Variants in DENND1C observed in about 807,000 individuals in gnomAD.
DENND1C encodes DENN domain-containing protein 1C.
A neutral mutation model predicts 87.9 loss-of-function variants in DENND1C; 64 were observed. That is an observed-to-expected ratio of 0.73 (90% CI 0.60 to 0.90). The LOEUF is 0.90. Ranked by LOEUF, DENND1C falls within the 40% of genes least tolerant of loss-of-function variation. The pLI is 0.00. For synonymous variants in DENND1C, 384 were observed against 424.4 expected, an observed-to-expected ratio of 0.90 and a Z score of 1.17; for missense variants, 980 against 1,037.0, an observed-to-expected ratio of 0.95 and a Z score of 0.76.
At position 6,469,646 on chromosome 19, in the gene DENND1C, A is replaced by G; in HGVS notation, c.1363-6T>C. ...CCCTTCAAGCCACTCTTGGCCTATA[A>G]AGGAGTGGACAGAGAATTACCCAAG... is the stretch of plus-strand genomic sequence containing the variant. On this transcript the variant is annotated splice_polypyrimidine_tract_variant and splice_region_variant and intron_variant, in intron 18 of 22. Coordinates refer to ENST00000381480, the MANE Select transcript of DENND1C (RefSeq NM_024898.4). 1 of 1,604,788 alleles carries G rather than the reference A, an allele frequency of 6.2e-7. No individual in the cohort carries two copies. The highest frequency in any genetic ancestry group is 1.1e-5 in the South Asian group (1 of 88,994).
At chr19:6,478,176 T>C (rs1015691388) in intron 6 of DENND1C, among the ~76,000 whole-genome samples, 2 of 152,092 alleles carry the variant, frequency 1.3e-5, no homozygotes, top group Admixed American at 1.3e-4. Flanking sequence ...CTGGGCTCAG[T>C]TGATCCTCCC....
chr19:6,474,755 A>AT (rs1443370780), intron 14 of DENND1C, among the ~76,000 whole-genome samples: 1 of 152,012 alleles, frequency 6.6e-6, no homozygotes, highest in Non-Finnish European at 1.5e-5. Flanking sequence ...TATCATTATT[A>AT]TTTTTTAATT....
intron 18 of DENND1C, 26 bp downstream of exon 18, chr19:6,470,269 G>A: frequency 6.3e-7 from 1 of 1,594,870 alleles, no homozygotes; most frequent in Non-Finnish European, 8.5e-7. Context: ...ACCCCAGCAA[G>A]AGTGGCCTGT....
In DENND1C at chr19:6,479,073, T is replaced by G. The variant is rs1260838644; in HGVS notation, c.177-17A>C. The G allele has an allele frequency of 2.5e-6, 4 of 1,613,438 alleles. No homozygotes were observed. Among genetic ancestry groups the G allele is most frequent in the African/African-American group, 1.3e-5 (1 of 74,880 alleles). ...GGGGGCTCCCTGGAGTGGGAAGGGC[T>G]GTTAGAGAGACCTGGACATCCCAGC... On this transcript the variant is annotated splice_polypyrimidine_tract_variant and intron_variant, in intron 4 of 22. Transcript: ENST00000381480.
At chr19:6,470,271 G>A in intron 18 of DENND1C, 24 bp downstream of exon 18, 1 of 1,595,962 alleles carries the variant, frequency 6.3e-7, no homozygotes, top group Non-Finnish European at 8.5e-7. Context: ...CCCAGCAAGA[G>A]TGGCCTGTCC....
In DENND1C at chr19:6,468,441, C is replaced by G; in HGVS notation, c.1584G>C (p.Gly528=). 1 of 1,611,460 alleles carries G rather than the reference C, an allele frequency of 6.2e-7. No homozygotes were observed. The highest frequency in any genetic ancestry group is 8.5e-7 in the Non-Finnish European group (1 of 1,178,908). The change falls in exon 22 of 23, where the codon GGG becomes GGC. Residue 528 remains glycine (G), a splice_region_variant and synonymous_variant. Coordinates refer to ENST00000381480, the MANE Select transcript of DENND1C (RefSeq NM_024898.4). ...CATCCTCAGGGCTCAGTGGGGGTGT[C>G]CTGGGTGAGGATGGGCAGCCTCAGA... ...EEGTSEPPGA[G]TPPLSPEDEG... is the part of the protein sequence containing the mutation.
intron 3 of DENND1C, 43 bp from the exon 4 acceptor site, chr19:6,479,761 G>T: frequency 6.2e-7 from 1 of 1,613,206 alleles, no homozygotes; most frequent in Non-Finnish European, 8.5e-7. Context: ...CACTGAGGTC[G>T]GGCACCACCT....
intron 14 of DENND1C, among the ~76,000 whole-genome samples, chr19:6,473,388 C>T (rs1479159065): frequency 6.6e-6 from 1 of 150,766 alleles, no homozygotes; most frequent in African/African-American, 2.4e-5. Flanking sequence ...CTCTTGACCT[C>T]GTGATCCACC....
intron 4 of DENND1C, among the ~76,000 whole-genome samples, 174 bp from the exon 5 acceptor site, chr19:6,479,230 TG>T (rs2092882571): frequency 6.6e-6 from 1 of 151,724 alleles, no homozygotes; most frequent in African/African-American, 2.4e-5. Context: ...TCTGGGTCCC[TG>T]GATCTCTGGG....
intron 15 of DENND1C, among the ~76,000 whole-genome samples, chr19:6,472,519 T>C (rs2092835451): frequency 6.6e-6 from 1 of 152,138 alleles, no homozygotes; most frequent in Non-Finnish European, 1.5e-5. Flanking sequence ...GCCTCCTGAG[T>C]AGCTGGGATT....
At chr19:6,473,411 C>T (rs1255605254) in intron 14 of DENND1C, among the ~76,000 whole-genome samples, 2 of 151,156 alleles carry the variant, frequency 1.3e-5, no homozygotes, top group South Asian at 2.1e-4. Flanking sequence ...CCTCGGCCTC[C>T]CAAAGTGCTG....
rs2092804527 is a variant in DENND1C, at chr19:6,467,869, G to T, written c.2041C>A (p.Leu681Ile). ...KPSPLTEPLI[L>I]HLTPSHKAAE... is the part of the protein sequence containing the mutation. ...GCCTTGTGGGAAGGGGTGAGATGAA[G>T]AATTAGGGGCTCTGTGAGAGGAGAG... Residue 681 changes from leucine to isoleucine, a missense_variant, in exon 23 of 23, where the codon CTT becomes ATT. Physicochemically the swap from Leu to Ile is conservative, Grantham distance 5. Transcript: ENST00000381480. 1.9e-6 allele frequency: 3 copies of T among 1,606,138 alleles called. No individual in the cohort carries two copies. Among genetic ancestry groups the T allele is most frequent in the Non-Finnish European group, 2.6e-6 (3 of 1,176,322 alleles).
At position 6,479,845 on chromosome 19, in the gene DENND1C, G is replaced by A; in HGVS notation, c.126+14C>T. On this transcript the variant is annotated intron_variant, in intron 3 of 22. Coordinates refer to ENST00000381480, the MANE Select transcript of DENND1C (RefSeq NM_024898.4). ...GGCCCTCGCCCTGGGGGAGCAAGGA[G>A]CCAGCCTGAATACCTGGTCCCTGAA... 6.2e-7 allele frequency: 1 copy of A among 1,612,314 alleles called. No homozygotes were observed. Among genetic ancestry groups the A allele is most frequent in the Non-Finnish European group, 8.5e-7 (1 of 1,179,196 alleles).
chr19:6,468,089 A>T lies in DENND1C; in HGVS notation c.1821T>A (p.Asp607Glu). 6.2e-7 allele frequency: 1 copy of T among 1,613,596 alleles called. No individual in the cohort carries two copies. Among genetic ancestry groups the T allele is most frequent in the Non-Finnish European group, 8.5e-7 (1 of 1,179,764 alleles). The stretch of plus-strand genomic sequence containing the variant: ...GGGGCTCCGGCTCTGGTAGTTTCTT[A>T]TCGTCTGGTTGCCATCTTGGTATGT... ...LPNIPRWQPD[D>E]KKLPEPEPQP... The change falls in exon 23 of 23, where the codon GAT (aspartate) becomes GAA (glutamate). Residue 607 changes from aspartate (D) to glutamate (E), a missense_variant. Transcript: ENST00000381480.
chr19:6,480,490 G>A (rs1975045), intron 1 of DENND1C: 573,695 of 974,152 alleles, frequency 0.59, 175,670 homozygotes, highest in Non-Finnish European at 0.63. Context: ...CTATCTGTCT[G>A]TCTGTCTGTC....
chr19:6,479,657 G>T lies in DENND1C; in HGVS notation c.176+12C>A, dbSNP rs777362798. 1.2e-6 allele frequency: 2 copies of T among 1,613,738 alleles called. No individual in the cohort carries two copies. The highest frequency in any genetic ancestry group is 1.3e-5 in the African/African-American group (1 of 74,966). Reference sequence around the variant, plus strand: ...AGTCCCTGAGTCCTTGGATCTCCCCGCCCTTCCGTACCTTTCCACATCAAA... The same window carrying T: ...AGTCCCTGAGTCCTTGGATCTCCCCTCCCTTCCGTACCTTTCCACATCAAA... On this transcript the variant is annotated intron_variant, in intron 4 of 22. Transcript: ENST00000381480.
chr19:6,472,216 G>A (rs181927236), intron 15 of DENND1C, among the ~76,000 whole-genome samples: 1 of 119,704 alleles, frequency 8.4e-6, no homozygotes, highest in African/African-American at 3.2e-5. Context: ...GGAAATCCTG[G>A]GATTTCACAG....
chr19:6,474,199 GAAA>G (rs74173088), intron 14 of DENND1C, among the ~76,000 whole-genome samples: 31 of 140,512 alleles, frequency 2.2e-4, no homozygotes, highest in Middle Eastern at 3.8e-3. Context: ...TGTCTCAAGA[GAAA>G]AAAAAAAAAA....
In DENND1C at chr19:6,467,434, A is replaced by G. The variant is rs530834374; in HGVS notation, c.*70T>C. On this transcript the variant is annotated 3_prime_UTR_variant, in exon 23 of 23. Transcript: ENST00000381480. ...GAGGGCACCAGAGAAATTCACCAGG[A>G]AAAAAACCAGCTTTTTTGGGCTCTT... 25 of 1,446,112 alleles carry G rather than the reference A, an allele frequency of 1.7e-5. No individual in the cohort carries two copies. Among genetic ancestry groups the G allele is most frequent in the African/African-American group, 1.3e-4 (9 of 68,144 alleles). The allele number at this position is 1,446,112 out of a possible 1,614,324, so 89.6% of individuals were successfully genotyped here. A position where few individuals can be genotyped will look rare whatever the true frequency, so the allele number is the denominator to read the frequency against.
Sources: gnomAD v4.1 joint callset for allele counts (sites outside exome capture counted in the v4.1 genomes callset) on GRCh38, gnomAD v4.1.1 for gene constraint, MANE v1.5 for transcripts, NCBI Gene and HGNC (gene_info 2026-07-23, HGNC 2026-07-21) for gene names.